INPP5A: variants seen among roughly 807,000 people sequenced by gnomAD.
INPP5A encodes inositol polyphosphate-5-phosphatase A.
INPP5A carries 14 observed loss-of-function variants against 65.2 expected under a neutral mutation model. The observed-to-expected ratio is 0.21, with a 90% CI of 0.14 to 0.34. The LOEUF is 0.34. Ranked by LOEUF, INPP5A falls within the 10% of genes least tolerant of loss-of-function variation. INPP5A has a pLI of 1.00. For synonymous variants in INPP5A, 207 were observed against 208.3 expected, an observed-to-expected ratio of 0.99 and a Z score of 0.05; for missense variants, 431 against 545.6, an observed-to-expected ratio of 0.79 and a Z score of 2.09.
chr10:132,629,800 G>A (rs1278210639), intron 2 of INPP5A, among the ~76,000 whole-genome samples: 21 of 152,076 alleles, frequency 1.4e-4, no homozygotes, highest in Admixed American at 1.4e-3. Flanking sequence ...ATGAGGGAGG[G>A]TCCATGAGTG....
At chr10:132,732,937 A>G (rs1375698276) in intron 9 of INPP5A, among the ~76,000 whole-genome samples, 1 of 152,134 alleles carries the variant, frequency 6.6e-6, no homozygotes, top group Non-Finnish European at 1.5e-5. Flanking sequence ...TCAGAGGACC[A>G]CAGGCTGGGT....
At chr10:132,703,569 G>T (rs571803855) in intron 6 of INPP5A, among the ~76,000 whole-genome samples, 1 of 132,808 alleles carries the variant, frequency 7.5e-6, no homozygotes, top group East Asian at 2.3e-4. Context: ...ACACACACAC[G>T]TGGCTTCACC....
chr10:132,562,526 C>T (rs1196864078), intron 1 of INPP5A, among the ~76,000 whole-genome samples: 1 of 152,220 alleles, frequency 6.6e-6, no homozygotes, highest in Non-Finnish European at 1.5e-5. Flanking sequence ...ACCCGTCACA[C>T]CTCTGCATGA....
rs372083196 is a variant in INPP5A, at chr10:132,717,338, T to C, written c.647+6882T>C. The stretch of plus-strand genomic sequence containing the variant: ...CTGGGTGGGGAAGTCAGGGGGCCTT[T>C]GGGTGCGGCACTGGGGATCAGCGGG... On this transcript the variant is annotated intron_variant, in intron 8 of 15. Coordinates refer to ENST00000368594, the MANE Select transcript of INPP5A (RefSeq NM_005539.5). 3.6e-4 allele frequency among the ~76,000 whole-genome samples: 55 copies of C among 151,564 alleles called. 3 individuals are homozygous for C. The highest frequency in any genetic ancestry group is 1.3e-3 in the African/African-American group (53 of 40,884).
rs533575743 is a variant in INPP5A, at chr10:132,750,773, G to T, written c.903+928G>T. Among the ~76,000 whole-genome samples, 168 of 152,122 alleles carry T rather than the reference G, an allele frequency of 1.1e-3. 1 individual carries two copies. Among genetic ancestry groups the T allele is most frequent in the Non-Finnish European group, 2.0e-3 (135 of 68,024 alleles). On this transcript the variant is annotated intron_variant, in intron 11 of 15. Coordinates refer to ENST00000368594, the MANE Select transcript of INPP5A (RefSeq NM_005539.5). ...GGAAACCTCGGCATCAGTTCCTAGG[G>T]CGCTCCCGAGCCAGCTATGGTTCCC...
chr10:132,576,632 C>T (rs947710186), intron 1 of INPP5A, among the ~76,000 whole-genome samples: 6 of 152,206 alleles, frequency 3.9e-5, no homozygotes, highest in African/African-American at 1.2e-4. Context: ...AGGATGCAAA[C>T]GAGAGTGTTC....
At chr10:132,608,010 C>T in intron 2 of INPP5A, 54 bp downstream of exon 2, 6 of 1,554,064 alleles carry the variant, frequency 3.9e-6, no homozygotes, top group Admixed American at 1.7e-5. Flanking sequence ...CAATAAGGTG[C>T]CTTTTTGCTT....
Position 132,696,515 on chromosome 10 carries a change from C to T in INPP5A, c.371-1301C>T, listed in dbSNP as rs116438122. ...TAAAAAGAAATGAGCTTTGAAGCTG[C>T]GAGAAGACACAGAGGAGGCTGACAC... On this transcript the variant is annotated intron_variant, in intron 5 of 15. Transcript: ENST00000368594. Among the ~76,000 whole-genome samples, 428 of 152,178 alleles carry T rather than the reference C, an allele frequency of 2.8e-3. 2 individuals are homozygous for T. Among genetic ancestry groups the T allele is most frequent in the African/African-American group, 8.7e-3 (362 of 41,502 alleles).
intron 2 of INPP5A, among the ~76,000 whole-genome samples, chr10:132,630,728 C>T (rs2072257797): frequency 6.7e-6 from 1 of 148,676 alleles, no homozygotes; most frequent in African/African-American, 2.6e-5. Context: ...CGGGTGGGGC[C>T]TCGGTCGCAC....
At chr10:132,615,461 A>G (rs2072018680) in intron 2 of INPP5A, among the ~76,000 whole-genome samples, 1 of 152,134 alleles carries the variant, frequency 6.6e-6, no homozygotes, top group African/African-American at 2.4e-5. Flanking sequence ...TCTGGGGTGA[A>G]GGCCCGTGGC....
At chr10:132,691,543 G>T (rs147994004) in intron 5 of INPP5A, among the ~76,000 whole-genome samples, 1 of 152,248 alleles carries the variant, frequency 6.6e-6, no homozygotes, top group South Asian at 2.1e-4. Context: ...CAGACCTTTT[G>T]TGTTTTTCAG....
chr10:132,735,295 C>T (rs1343500425), intron 9 of INPP5A, among the ~76,000 whole-genome samples: 1 of 152,212 alleles, frequency 6.6e-6, no homozygotes, highest in Non-Finnish European at 1.5e-5. Flanking sequence ...GGGTGGTTTT[C>T]AGATTGCCCA....
chr10:132,747,096 A>G lies in INPP5A; in HGVS notation c.733-2421A>G, dbSNP rs570127249. On this transcript the variant is annotated intron_variant, in intron 9 of 15. Transcript: ENST00000368594. Reference sequence around the variant, plus strand: ...TGCCTTTTGGGAGACAGAGCCGTGAATTTCCTGAGCCGCGTCCTGGGATGG... The same window carrying G: ...TGCCTTTTGGGAGACAGAGCCGTGAGTTTCCTGAGCCGCGTCCTGGGATGG... 1.4e-4 allele frequency among the ~76,000 whole-genome samples: 22 copies of G among 152,330 alleles called. No homozygotes were observed. In the South Asian group the frequency reaches 4.6e-3, roughly 32 times the overall value.
rs1564939669 is a variant in INPP5A at position 132,627,051 on chromosome 10, G to C, written c.118-18817G>C. Among the ~76,000 whole-genome samples, 1 of 151,956 alleles carries C rather than the reference G, an allele frequency of 6.6e-6. No homozygotes were observed. The highest frequency in any genetic ancestry group is 2.1e-4 in the South Asian group (1 of 4,824). ...GGGGTGAGATGAGGTTATGCGGTGG[G>C]CCCCCCGGATGGGATGGGTGCCCTT... On this transcript the variant is annotated intron_variant, in intron 2 of 15. Transcript: ENST00000368594. The surrounding 1 kb of genome is among the most constrained non-coding windows in gnomAD (Gnocchi z 6.6).
intron 2 of INPP5A, among the ~76,000 whole-genome samples, chr10:132,638,483 G>A (rs896774438): frequency 1.3e-5 from 2 of 152,180 alleles, no homozygotes; most frequent in Admixed American, 6.5e-5. Flanking sequence ...GGGCAGTCCC[G>A]GAGCCCGAGA....
chr10:132,579,211 G>T (rs1180664063), intron 1 of INPP5A, among the ~76,000 whole-genome samples: 1 of 151,450 alleles, frequency 6.6e-6, no homozygotes, highest in Non-Finnish European at 1.5e-5. Context: ...AGGAGAGTGT[G>T]GGGGGAGGTG....
At chr10:132,608,377 G>A (rs534399668) in intron 2 of INPP5A, among the ~76,000 whole-genome samples, 86 of 152,288 alleles carry the variant, frequency 5.6e-4, no homozygotes, top group African/African-American at 1.9e-3. Flanking sequence ...TGGGGGAGGC[G>A]ACCGGTTGGA....
rs1273028773 is a variant in INPP5A, at chr10:132,691,123, C to T, written c.370+668C>T. On this transcript the variant is annotated intron_variant, in intron 5 of 15. Coordinates refer to ENST00000368594, the MANE Select transcript of INPP5A (RefSeq NM_005539.5). ...GTAACTGTGGAGCCACAAACGATGTCGTTTCGTTCGGATTCCGTGTTTGTG... is the reference window on the plus strand; with the variant it reads ...GTAACTGTGGAGCCACAAACGATGTTGTTTCGTTCGGATTCCGTGTTTGTG... Among the ~76,000 whole-genome samples, 6 of 152,350 alleles carry T rather than the reference C, an allele frequency of 3.9e-5. No homozygotes were observed. In the East Asian group the frequency reaches 1.2e-3, roughly 29 times the overall value.
At chr10:132,723,617 G>A (rs180874261) in intron 8 of INPP5A, among the ~76,000 whole-genome samples, 253 of 74,790 alleles carry the variant, frequency 3.4e-3, no homozygotes, top group African/African-American at 7.2e-3. Context: ...GGGATTGGCC[G>A]TGTGGGGATT....
Sources: gnomAD v4.1 joint callset for allele counts (sites outside exome capture counted in the v4.1 genomes callset) on GRCh38, gnomAD v4.1.1 for gene constraint, Gnocchi (gnomAD v3.1) non-coding constraint, MANE v1.5 for transcripts, NCBI Gene and HGNC (gene_info 2026-07-23, HGNC 2026-07-21) for gene names.